Variants in RNF10 observed in about 807,000 individuals in gnomAD.
RNF10 encodes E3 ubiquitin-protein ligase RNF10.
A neutral mutation model predicts 91.4 loss-of-function variants in RNF10; 38 were observed. The observed-to-expected ratio is 0.42, with a 90% CI of 0.32 to 0.54. The LOEUF is 0.54. Among genes scored for constraint, RNF10 ranks in the 20% least tolerant of loss-of-function variants. The pLI is 0.16. For missense variants in RNF10, 945 were observed against 1,012.0 expected (o/e 0.93, Z 0.90); for synonymous variants, 364 against 366.3 (o/e 0.99, Z 0.07).
At chr12:120,557,496 C>G (rs1304825029) in intron 5 of RNF10, 30 bp downstream of exon 5, 2 of 1,613,744 alleles carry the variant, frequency 1.2e-6, no homozygotes, top group Non-Finnish European at 1.7e-6. Flanking sequence ...TCAGTTAGAT[C>G]CCAATCTCTT....
At chr12:120,562,313 T>C (rs1874993379) in intron 7 of RNF10, among the ~76,000 whole-genome samples, 1 of 145,512 alleles carries the variant, frequency 6.9e-6, no homozygotes, top group Non-Finnish European at 1.5e-5. Flanking sequence ...TTGCTCTCGT[T>C]GCCCAGGCTG....
chr12:120,541,457 C>G (rs1366146448), intron 1 of RNF10, among the ~76,000 whole-genome samples: 1 of 133,420 alleles, frequency 7.5e-6, no homozygotes, highest in Non-Finnish European at 1.6e-5. Flanking sequence ...TTTTTTGAGA[C>G]GGAGTCTCAC....
Position 120,576,741 on chromosome 12 carries a change from G to A in RNF10, c.*75G>A. The A allele has an allele frequency of 1.9e-6, 3 of 1,577,846 alleles. No homozygotes were observed. Among genetic ancestry groups the A allele is most frequent in the Non-Finnish European group, 2.6e-6 (3 of 1,165,148 alleles). On this transcript the variant is annotated 3_prime_UTR_variant, in exon 17 of 17. Transcript: ENST00000325954. ...TTTTCCCCCATGCTTTTGTTTGGCTGCTGTAATTTTTAAGTATTTGAGTTT... is the reference window on the plus strand; with the variant it reads ...TTTTCCCCCATGCTTTTGTTTGGCTACTGTAATTTTTAAGTATTTGAGTTT...
At chr12:120,542,234 C>T (rs138491572) in intron 1 of RNF10, among the ~76,000 whole-genome samples, 11 of 152,272 alleles carry the variant, frequency 7.2e-5, no homozygotes, top group Non-Finnish European at 1.5e-4. Flanking sequence ...CATCATAGCA[C>T]ACCGCAGCCT....
chr12:120,572,308 C>T (rs1051954398), intron 14 of RNF10, among the ~76,000 whole-genome samples: 14 of 152,128 alleles, frequency 9.2e-5, no homozygotes, highest in Non-Finnish European at 1.3e-4. Context: ...CCTCGTGATC[C>T]GCCTGCCTCA....
chr12:120,563,729 G>A (rs984785226), intron 9 of RNF10, 81 bp from the exon 10 acceptor site: 1 of 1,583,596 alleles, frequency 6.3e-7, no homozygotes, highest in African/African-American at 1.3e-5. Context: ...TGGGTGGCTT[G>A]AGCCCTTGGG....
chr12:120,563,686 C>CT, intron 9 of RNF10, 63 bp downstream of exon 9: 1 of 1,570,136 alleles, frequency 6.4e-7, no homozygotes, highest in Non-Finnish European at 8.6e-7. Context: ...ACCCGGTGCT[C>CT]TAAGCAGAGG....
intron 2 of RNF10, among the ~76,000 whole-genome samples, chr12:120,551,789 C>G (rs1402252606): frequency 6.6e-6 from 1 of 151,988 alleles, no homozygotes; most frequent in Non-Finnish European, 1.5e-5. Flanking sequence ...ATTACCGTTG[C>G]CTAGCTTTGT....
intron 1 of RNF10, among the ~76,000 whole-genome samples, chr12:120,540,439 T>TA (rs1205491084): frequency 2.0e-5 from 3 of 152,214 alleles, no homozygotes; most frequent in East Asian, 3.8e-4. Flanking sequence ...TTCCAAAATC[T>TA]AAAGTGGATC....
chr12:120,576,451 G>A (rs1877405040), intron 16 of RNF10, 139 bp from the exon 17 acceptor site: 3 of 1,308,824 alleles, frequency 2.3e-6, no homozygotes, highest in Non-Finnish European at 2.1e-6. Flanking sequence ...TGTATACCAA[G>A]ACTGGTATTG....
At chr12:120,541,581 C>T (rs1310790801) in intron 1 of RNF10, among the ~76,000 whole-genome samples, 1 of 151,652 alleles carries the variant, frequency 6.6e-6, no homozygotes, top group African/African-American at 2.4e-5. Context: ...ACTACAGGCG[C>T]CCGCCACCAA....
intron 14 of RNF10, chr12:120,574,435 A>G (rs1368813083): frequency 2.2e-6 from 1 of 456,044 alleles, no homozygotes; most frequent in South Asian, 1.5e-5. Context: ...CCTCAGGGGC[A>G]TGAGGATTGT....
chr12:120,553,754 G>A (rs1593075790), intron 3 of RNF10, among the ~76,000 whole-genome samples: 1 of 152,200 alleles, frequency 6.6e-6, no homozygotes, highest in Admixed American at 6.5e-5. Flanking sequence ...GAAGTGCTTG[G>A]CATACATTTG....
At chr12:120,562,875 C>T in intron 7 of RNF10, 70 bp from the exon 8 acceptor site, 3 of 1,600,246 alleles carry the variant, frequency 1.9e-6, no homozygotes, top group Non-Finnish European at 2.6e-6. Flanking sequence ...CCATTCTAAG[C>T]CCTTGCCCTT....
In RNF10 at chr12:120,566,815, T is replaced by A; in HGVS notation, c.1886-10T>A. The A allele has an allele frequency of 1.2e-6, 2 of 1,609,068 alleles. No homozygotes were observed. The highest frequency in any genetic ancestry group is 1.7e-6 in the Non-Finnish European group (2 of 1,178,376). ...TAAATGGGTTTACAAGGGTTATCTT[T>A]CCTTTGCAGACCCAGAAGTCCACAT... On this transcript the variant is annotated splice_polypyrimidine_tract_variant and intron_variant, in intron 12 of 16. Transcript: ENST00000325954.
Position 120,569,379 on chromosome 12 carries a change from A to G in RNF10, c.2042-1812A>G, listed in dbSNP as rs189947623. On this transcript the variant is annotated intron_variant, in intron 13 of 16. Coordinates refer to ENST00000325954, the MANE Select transcript of RNF10 (RefSeq NM_014868.5). Reference sequence around the variant, plus strand: ...TGTTCATATGCATATCATTTTGCAGATTAGGAACCTGTGGCTGAGGCAGGT... The same window carrying G: ...TGTTCATATGCATATCATTTTGCAGGTTAGGAACCTGTGGCTGAGGCAGGT... Among the ~76,000 whole-genome samples the G allele has an allele frequency of 7.9e-5, 12 of 152,264 alleles. No individual in the cohort carries two copies. In the East Asian group the frequency reaches 1.5e-3, roughly 20 times the overall value.
At chr12:120,574,134 A>G (rs1294706491) in intron 14 of RNF10, among the ~76,000 whole-genome samples, 1 of 152,234 alleles carries the variant, frequency 6.6e-6, no homozygotes, top group African/African-American at 2.4e-5. Flanking sequence ...AGGAGACCCA[A>G]ACTCCTAGAG....
chr12:120,551,835 A>G (rs1873136804), intron 2 of RNF10, among the ~76,000 whole-genome samples: 1 of 151,832 alleles, frequency 6.6e-6, no homozygotes, highest in Admixed American at 6.6e-5. Context: ...CCATTCTCTC[A>G]TTGCTATTAA....
chr12:120,534,796 G>A lies in RNF10; in HGVS notation c.-16G>A. 6.4e-7 allele frequency: 1 copy of A among 1,554,430 alleles called. No homozygotes were observed. The highest frequency in any genetic ancestry group is 1.4e-5 in the African/African-American group (1 of 72,790). Reference sequence around the variant, plus strand: ...CCGCTCCGCTCCGACTGCCGTCGCCGCCGAGGCCCCCGTTGATGCCGCTGA... The same window carrying A: ...CCGCTCCGCTCCGACTGCCGTCGCCACCGAGGCCCCCGTTGATGCCGCTGA... On this transcript the variant is annotated 5_prime_UTR_variant, in exon 1 of 17. Coordinates refer to ENST00000325954, the MANE Select transcript of RNF10 (RefSeq NM_014868.5).
Sources: allele counts gnomAD v4.1 joint callset (sites outside exome capture counted in the v4.1 genomes callset), GRCh38; gene constraint gnomAD v4.1.1; transcripts MANE v1.5; gene names NCBI Gene and HGNC (gene_info 2026-07-23, HGNC 2026-07-21).